Variants in RPS23 observed in about 807,000 individuals in gnomAD.
RPS23 encodes small ribosomal subunit protein uS12.
For synonymous variants in RPS23, 66 were observed against 60.4 expected, an observed-to-expected ratio of 1.09 and a Z score of -0.43; for missense variants, 73 against 174.5, an observed-to-expected ratio of 0.42 and a Z score of 3.28.
At position 82,276,088 on chromosome 5, in the gene RPS23, C is replaced by A. The variant is rs759560792; in HGVS notation, c.*21G>T. 11 of 1,596,188 alleles carry A rather than the reference C, an allele frequency of 6.9e-6. No individual in the cohort carries two copies. Among genetic ancestry groups the A allele is most frequent in the Admixed American group, 1.8e-5 (1 of 55,890 alleles). On this transcript the variant is annotated 3_prime_UTR_variant, in exon 4 of 4. Transcript: ENST00000296674. The stretch of plus-strand genomic sequence containing the variant: ...TTTGGCATATGAAAATTTATTACTA[C>A]AGTGTTTTCACCATTAATATTTATG...
chr5:82,275,248 G>C lies in RPS23; in HGVS notation c.*861C>G, dbSNP rs1473478178. On this transcript the variant is annotated 3_prime_UTR_variant, in exon 4 of 4. Coordinates refer to ENST00000296674, the MANE Select transcript of RPS23 (RefSeq NM_001025.5). The stretch of plus-strand genomic sequence containing the variant: ...AGTTTCTTACATCAGATTTAAAGCA[G>C]AAGGCTCACAGCTTCATTTCAACCA... 17 of 702,500 alleles carry C rather than the reference G, an allele frequency of 2.4e-5. No homozygotes were observed. Among genetic ancestry groups the C allele is most frequent in the Non-Finnish European group, 4.4e-5 (17 of 385,016 alleles). The allele number at this position is 702,500 out of a possible 1,614,324, so 43.5% of individuals were successfully genotyped here. A position where few individuals can be genotyped will look rare whatever the true frequency, so the allele number is the denominator to read the frequency against.
intron 2 of RPS23, chr5:82,276,856 AAAG>A (rs1363864345): frequency 1.5e-4 from 31 of 201,320 alleles, no homozygotes; most frequent in East Asian, 4.5e-4. Flanking sequence ...AAAAAAAAAA[AAAG>A]AAAAAAGAAA....
In RPS23 at chr5:82,275,116, A is replaced by G; in HGVS notation, c.*993T>C. ...TGTGAAAGGTTCTGCTCTTGATCCTACGGAAAGTGGGCAACCAAACCAATT... is the reference window on the plus strand; with the variant it reads ...TGTGAAAGGTTCTGCTCTTGATCCTGCGGAAAGTGGGCAACCAAACCAATT... On this transcript the variant is annotated 3_prime_UTR_variant, in exon 4 of 4. Coordinates refer to ENST00000296674, the MANE Select transcript of RPS23 (RefSeq NM_001025.5). 1.5e-6 allele frequency: 1 copy of G among 664,388 alleles called. No homozygotes were observed. Among genetic ancestry groups the G allele is most frequent in the Non-Finnish European group, 2.7e-6 (1 of 365,774 alleles). The allele number at this position is 664,388 out of a possible 1,614,324, so 41.2% of individuals were successfully genotyped here. A position where few individuals can be genotyped will look rare whatever the true frequency, so the allele number is the denominator to read the frequency against.
Position 82,273,325 on chromosome 5 carries a change from G to A in RPS23, c.*2784C>T, listed in dbSNP as rs1747703005. The A allele has an allele frequency of 6.7e-6, 1 of 149,504 alleles. No individual in the cohort carries two copies. The highest frequency in any genetic ancestry group is 2.1e-4 in the South Asian group (1 of 4,822). 9.3% of individuals were successfully genotyped at this position (149,504 alleles called of 1,614,324 possible). A position where few individuals can be genotyped will look rare whatever the true frequency, so the allele number is the denominator to read the frequency against. On this transcript the variant is annotated 3_prime_UTR_variant, in exon 4 of 4. Coordinates refer to ENST00000296674, the MANE Select transcript of RPS23 (RefSeq NM_001025.5). ...GCAGACAAAACCTCTCAGAGTTGTA[G>A]AAGGAAGGGCTTTATTCAGCTGGGA...
intron 2 of RPS23, chr5:82,277,231 A>T (rs1747866644): frequency 5.8e-6 from 1 of 172,820 alleles, no homozygotes; most frequent in Non-Finnish European, 1.2e-5. Flanking sequence ...TCTACCATCA[A>T]ATATGATAGA....
chr5:82,275,338 A>C lies in RPS23; in HGVS notation c.*771T>G. 1 of 702,518 alleles carries C rather than the reference A, an allele frequency of 1.4e-6. No homozygotes were observed. Among genetic ancestry groups the C allele is most frequent in the Non-Finnish European group, 2.6e-6 (1 of 384,960 alleles). The allele number at this position is 702,518 out of a possible 1,614,324, so 43.5% of individuals were successfully genotyped here. Reference sequence around the variant, plus strand: ...GGACAGCAAAATCCACATGTACTCAATACCTAGCTTAAATTATCAAAACAC... The same window carrying C: ...GGACAGCAAAATCCACATGTACTCACTACCTAGCTTAAATTATCAAAACAC... On this transcript the variant is annotated 3_prime_UTR_variant, in exon 4 of 4. Coordinates refer to ENST00000296674, the MANE Select transcript of RPS23 (RefSeq NM_001025.5).
chr5:82,277,178 CAAAAAAA>C (rs71000896), intron 2 of RPS23, among the ~76,000 whole-genome samples: 10 of 82,436 alleles, frequency 1.2e-4, no homozygotes, highest in Middle Eastern at 6.8e-3. Context: ...TAGACTGTCT[CAAAAAAA>C]AAAAAAAAAA....
rs1293289559 is a variant in RPS23, at chr5:82,276,157, A to G, written c.384T>C (p.Val128=). The change falls in exon 4 of 4, where the codon GTT becomes GTC. Residue 128 remains valine (V), a synonymous_variant. Coordinates refer to ENST00000296674, the MANE Select transcript of RPS23 (RefSeq NM_001025.5). ...VRFKVVKVAN[V]SLLALYKGKK... ...TGCCTTTGTATAGGGCCAAAAGAGAAACATTGGCTACTTTGACAACCTTAA... is the reference window on the plus strand; with the variant it reads ...TGCCTTTGTATAGGGCCAAAAGAGAGACATTGGCTACTTTGACAACCTTAA... 5.6e-6 allele frequency: 9 copies of G among 1,611,208 alleles called. No homozygotes were observed. In the South Asian group the frequency reaches 9.9e-5, roughly 18 times the overall value.
In RPS23 at chr5:82,273,490, TCATGCAC is replaced by T. The variant is rs1747705894; in HGVS notation, c.*2612_*2618del. 6.7e-6 allele frequency: 1 copy of T among 149,012 alleles called. No homozygotes were observed. 9.2% of individuals were successfully genotyped at this position (149,012 alleles called of 1,614,324 possible). A position where few individuals can be genotyped will look rare whatever the true frequency, so the allele number is the denominator to read the frequency against. On this transcript the variant is annotated 3_prime_UTR_variant, in exon 4 of 4. Coordinates refer to ENST00000296674, the MANE Select transcript of RPS23 (RefSeq NM_001025.5). ...ATCTAGGGGATATGTGACAGGGGTT[TCATGCAC>T]TGGTACAGAACACAACAGGGAGTTT...
chr5:82,278,200 GC>G lies in RPS23; in HGVS notation c.4+119del. ...TGCCTCCTGGAGCGGCGCTTCCCCGGCCCTCCCCCATGGAGCCTCTCCATGG... is the reference window on the plus strand; with the variant it reads ...TGCCTCCTGGAGCGGCGCTTCCCCGGCCTCCCCCATGGAGCCTCTCCATGG... On this transcript the variant is annotated intron_variant, in intron 1 of 3. Coordinates refer to ENST00000296674, the MANE Select transcript of RPS23 (RefSeq NM_001025.5). 4 of 931,552 alleles carry G rather than the reference GC, an allele frequency of 4.3e-6. No individual in the cohort carries two copies. The South Asian group carries it at 6.2e-5, about 14-fold the overall frequency. 57.7% of individuals were successfully genotyped at this position (931,552 alleles called of 1,614,324 possible). A position where few individuals can be genotyped will look rare whatever the true frequency, so the allele number is the denominator to read the frequency against.
At chr5:82,277,041 C>G (rs2112055016) in intron 2 of RPS23, among the ~76,000 whole-genome samples, 2 of 151,646 alleles carry the variant, frequency 1.3e-5, no homozygotes, top group South Asian at 2.1e-4. Context: ...AAAATATTAG[C>G]TGGTGTGGTA....
intron 1 of RPS23, 37 bp from the exon 2 acceptor site, chr5:82,277,889 C>T: frequency 2.5e-6 from 4 of 1,581,766 alleles, no homozygotes; most frequent in Non-Finnish European, 3.5e-6. Flanking sequence ...CGTAAAAACA[C>T]GCCATCTACG....
intron 1 of RPS23, 95 bp downstream of exon 1, chr5:82,278,225 G>A (rs1581868304): frequency 1.1e-6 from 1 of 893,446 alleles, no homozygotes; most frequent in South Asian, 1.4e-5. Context: ...GCCTCTCCAT[G>A]GCATCCCCCG....
Position 82,276,019 on chromosome 5 carries a change from T to C in RPS23, c.*90A>G, listed in dbSNP as rs1283168885. On this transcript the variant is annotated 3_prime_UTR_variant, in exon 4 of 4. Coordinates refer to ENST00000296674, the MANE Select transcript of RPS23 (RefSeq NM_001025.5). ...GGGGGGGTGGTGGTGGTAATGAACA[T>C]GATCTTCGTGGTGAGAACAGGGGAC... 3.2e-6 allele frequency: 4 copies of C among 1,260,604 alleles called. No homozygotes were observed. Among genetic ancestry groups the C allele is most frequent in the Non-Finnish European group, 4.4e-6 (4 of 900,670 alleles). 78.1% of individuals were successfully genotyped at this position (1,260,604 alleles called of 1,614,324 possible).
At chr5:82,277,456 C>T (rs1453288704) in intron 2 of RPS23, 7 of 535,158 alleles carry the variant, frequency 1.3e-5, no homozygotes, top group African/African-American at 1.1e-4. Flanking sequence ...TTCATCATTG[C>T]TAGTATCTTC....
intron 1 of RPS23, 140 bp downstream of exon 1, chr5:82,278,180 C>G (rs1747995891): frequency 3.5e-6 from 3 of 848,624 alleles, no homozygotes; most frequent in Non-Finnish European, 5.6e-6. Flanking sequence ...CCACGTGCCT[C>G]CTGGAGCGGC....
At chr5:82,278,065 A>G in intron 1 of RPS23, 1 of 657,986 alleles carries the variant, frequency 1.5e-6, no homozygotes, top group Non-Finnish European at 2.6e-6. Context: ...CTCCCGAAGG[A>G]CGAGGCCCCG....
Position 82,275,097 on chromosome 5 carries a change from A to G in RPS23, c.*1012T>C, listed in dbSNP as rs1176426359. The G allele has an allele frequency of 3.2e-6, 2 of 627,924 alleles. No homozygotes were observed. The highest frequency in any genetic ancestry group is 5.7e-6 in the Non-Finnish European group (2 of 349,920). 38.9% of individuals were successfully genotyped at this position (627,924 alleles called of 1,614,324 possible). On this transcript the variant is annotated 3_prime_UTR_variant, in exon 4 of 4. Coordinates refer to ENST00000296674, the MANE Select transcript of RPS23 (RefSeq NM_001025.5). The stretch of plus-strand genomic sequence containing the variant: ...CCTGGGTTCTTCTGTGCCATGTGAA[A>G]GGTTCTGCTCTTGATCCTACGGAAA...
In RPS23 at chr5:82,277,860, T is replaced by C. The variant is rs1327584878; in HGVS notation, c.5-8A>G. The stretch of plus-strand genomic sequence containing the variant: ...GAAGTCCACGACACTTGCCTAAAAA[T>C]TAAATATTTTAGTTCTTCCGTAAAA... On this transcript the variant is annotated splice_polypyrimidine_tract_variant and splice_region_variant and intron_variant, in intron 1 of 3. Coordinates refer to ENST00000296674, the MANE Select transcript of RPS23 (RefSeq NM_001025.5). 3 of 1,609,644 alleles carry C rather than the reference T, an allele frequency of 1.9e-6. No homozygotes were observed. The highest frequency in any genetic ancestry group is 2.5e-6 in the Non-Finnish European group (3 of 1,178,126).
Sources: gnomAD v4.1 joint callset for allele counts (sites outside exome capture counted in the v4.1 genomes callset) on GRCh38, gnomAD v4.1.1 for gene constraint, MANE v1.5 for transcripts, NCBI Gene and HGNC (gene_info 2026-07-23, HGNC 2026-07-21) for gene names.